C9: variants seen among roughly 807,000 people sequenced by gnomAD.
The protein encoded by C9 is complement C9, also known as complement component C9.
C9 carries 63 observed loss-of-function variants against 65.4 expected under a neutral mutation model. The observed-to-expected ratio is 0.96, with a 90% CI of 0.79 to 1.19. The LOEUF (loss-of-function observed/expected upper bound fraction) is 1.19, where lower values mean the gene tolerates loss of function less well. Among genes scored for constraint, C9 ranks in the 50% most tolerant of loss-of-function variants. The pLI, the probability that C9 is intolerant of heterozygous loss-of-function variation, is 0.00. For missense variants in C9, 744 were observed against 670.1 expected, an observed-to-expected ratio of 1.11 and a Z score of -1.22; for synonymous variants, 229 against 227.9, an observed-to-expected ratio of 1.00 and a Z score of -0.04.
chr5:39,345,400 C>T (rs1291345307), intron 1 of C9, among the ~76,000 whole-genome samples: 6 of 151,994 alleles, frequency 3.9e-5, no homozygotes, highest in Non-Finnish European at 1.5e-5. Flanking sequence ...AGACTTTAAA[C>T]CAAAAAAGAT....
chr5:39,324,689 C>A (rs572588447), intron 5 of C9, among the ~76,000 whole-genome samples: 4 of 151,976 alleles, frequency 2.6e-5, no homozygotes, highest in Non-Finnish European at 5.9e-5. Flanking sequence ...TCCATCCATG[C>A]GAAAAGAAGT....
rs925858044 is a variant in C9 at position 39,334,184 on chromosome 5, C to T, written c.477-2370G>A. Reference sequence around the variant, plus strand: ...GAAGTGAGGAGCGCCTCTTCCCGGCCGCCATCCCATCTAGGAAGTGAGGAG... The same window carrying T: ...GAAGTGAGGAGCGCCTCTTCCCGGCTGCCATCCCATCTAGGAAGTGAGGAG... On this transcript the variant is annotated intron_variant, in intron 4 of 10. Coordinates refer to ENST00000263408, the MANE Select transcript of C9 (RefSeq NM_001737.5). 1.8e-3 allele frequency among the ~76,000 whole-genome samples: 273 copies of T among 151,284 alleles called. 2 individuals carry two copies. Among genetic ancestry groups the T allele is most frequent in the Non-Finnish European group, 3.0e-3 (201 of 67,878 alleles).
chr5:39,344,539 T>A (rs1417084713), intron 1 of C9, among the ~76,000 whole-genome samples: 1 of 152,212 alleles, frequency 6.6e-6, no homozygotes, highest in Admixed American at 6.5e-5. Flanking sequence ...ATCAAATCTA[T>A]GTCTGATTGG....
Position 39,318,924 on chromosome 5 carries a change from T to C in C9, c.616-2895A>G, listed in dbSNP as rs1035624074. Among the ~76,000 whole-genome samples, 36 of 152,358 alleles carry C rather than the reference T, an allele frequency of 2.4e-4. 2 individuals are homozygous for C. The East Asian group carries it at 2.7e-3, about 11-fold the overall frequency. ...ACTTTAATATAGTCTAAACTAGATT[T>C]ATTTCTAGTCAATCTCTCCCTAACT... On this transcript the variant is annotated intron_variant, in intron 5 of 10. Coordinates refer to ENST00000263408, the MANE Select transcript of C9 (RefSeq NM_001737.5).
chr5:39,322,295 A>G (rs1027584178), intron 5 of C9, among the ~76,000 whole-genome samples: 1 of 152,048 alleles, frequency 6.6e-6, no homozygotes, highest in Admixed American at 6.5e-5. Flanking sequence ...CTTAAAATAA[A>G]TAAAAATGAA....
chr5:39,296,361 T>A (rs1753186297), intron 9 of C9, among the ~76,000 whole-genome samples: 1 of 151,026 alleles, frequency 6.6e-6, no homozygotes, highest in African/African-American at 2.4e-5. Context: ...AAACAAATGA[T>A]CTGAAGAGCC....
At chr5:39,340,180 G>T (rs28406207) in intron 4 of C9, among the ~76,000 whole-genome samples, 4,556 of 152,270 alleles carry the variant, frequency 0.03, 213 homozygotes, top group African/African-American at 0.1. Context: ...ATTAGCCAAT[G>T]TATCCACCTA....
chr5:39,322,609 G>A (rs887896446), intron 5 of C9, among the ~76,000 whole-genome samples: 14 of 152,046 alleles, frequency 9.2e-5, no homozygotes, highest in Non-Finnish European at 2.1e-4. Flanking sequence ...AACTCAGGAA[G>A]AAATGAGAAA....
chr5:39,321,547 A>C (rs1192491661), intron 5 of C9, among the ~76,000 whole-genome samples: 1 of 150,968 alleles, frequency 6.6e-6, no homozygotes, highest in Non-Finnish European at 1.5e-5. Flanking sequence ...AAAACAATGA[A>C]AAAAATGGCA....
At chr5:39,360,943 T>C (rs1380738476) in intron 1 of C9, among the ~76,000 whole-genome samples, 1 of 152,168 alleles carries the variant, frequency 6.6e-6, no homozygotes, top group Non-Finnish European at 1.5e-5. Flanking sequence ...CAGGTACACC[T>C]AACCACTTAC....
At chr5:39,357,254 G>A (rs147904887) in intron 1 of C9, among the ~76,000 whole-genome samples, 5 of 152,298 alleles carry the variant, frequency 3.3e-5, no homozygotes, top group Admixed American at 3.3e-4. Context: ...CTTCTTTGAG[G>A]GGAGAAATAT....
intron 1 of C9, among the ~76,000 whole-genome samples, chr5:39,344,732 A>T: frequency 6.6e-6 from 1 of 152,200 alleles, no homozygotes; most frequent in East Asian, 1.9e-4. Flanking sequence ...AGATTTACCA[A>T]AGCTGAAATG....
chr5:39,349,410 C>T (rs893501006), intron 1 of C9, among the ~76,000 whole-genome samples: 8 of 152,206 alleles, frequency 5.3e-5, no homozygotes, highest in Non-Finnish European at 7.3e-5. Context: ...TACACATTTT[C>T]TTCCAACCAC....
intron 9 of C9, among the ~76,000 whole-genome samples, chr5:39,294,244 A>G (rs1281963652): frequency 6.6e-6 from 1 of 151,872 alleles, no homozygotes; most frequent in Non-Finnish European, 1.5e-5. Context: ...CTGAAAACAT[A>G]TACAAAGGAT....
At chr5:39,334,781 G>T (rs1231874318) in intron 4 of C9, among the ~76,000 whole-genome samples, 8 of 152,020 alleles carry the variant, frequency 5.3e-5, no homozygotes, top group Non-Finnish European at 7.4e-5. Context: ...GAAGTGAGGA[G>T]CCCCTCTGCC....
At chr5:39,351,847 C>T (rs866617897) in intron 1 of C9, among the ~76,000 whole-genome samples, 5 of 152,188 alleles carry the variant, frequency 3.3e-5, no homozygotes, top group African/African-American at 4.8e-5. Flanking sequence ...CCAAACTCTT[C>T]CAACCTCTGC....
chr5:39,296,849 G>T (rs1293201572), intron 9 of C9, among the ~76,000 whole-genome samples: 2 of 151,032 alleles, frequency 1.3e-5, no homozygotes, highest in Non-Finnish European at 3.0e-5. Context: ...GCTAAACACC[G>T]CATGTTTTCT....
intron 1 of C9, among the ~76,000 whole-genome samples, chr5:39,346,019 G>C (rs1250487642): frequency 6.6e-6 from 1 of 152,062 alleles, no homozygotes; most frequent in African/African-American, 2.4e-5. Context: ...ACATTCAAAG[G>C]AGTGTGTAGA....
intron 1 of C9, among the ~76,000 whole-genome samples, chr5:39,352,099 C>T (rs1204138945): frequency 1.3e-5 from 2 of 152,152 alleles, no homozygotes; most frequent in Admixed American, 6.5e-5. Context: ...GAAGCAAGCA[C>T]ATCTTCACAT....
Sources: gnomAD v4.1 joint callset for allele counts (sites outside exome capture counted in the v4.1 genomes callset) on GRCh38, gnomAD v4.1.1 for gene constraint, MANE v1.5 for transcripts, NCBI Gene and HGNC (gene_info 2026-07-23, HGNC 2026-07-21) for gene names.